Variants in NEDD4L observed in about 807,000 individuals in gnomAD.
The protein encoded by NEDD4L is NEDD4 like E3 ubiquitin protein ligase.
In NEDD4L, 54 loss-of-function variants were observed where a neutral mutation model predicts 148.9. That is an observed-to-expected ratio of 0.36 (90% CI 0.29 to 0.45). The LOEUF is 0.45. Among genes scored for constraint, NEDD4L ranks in the 20% least tolerant of loss-of-function variants. The pLI is 1.00. For missense variants in NEDD4L, 856 were observed against 1,233.8 expected (o/e 0.69, Z 4.59); for synonymous variants, 433 against 440.7 (o/e 0.98, Z 0.22).
chr18:58,230,000 A>C (rs1199933283), intron 2 of NEDD4L, among the ~76,000 whole-genome samples: 1 of 152,142 alleles, frequency 6.6e-6, no homozygotes, highest in Non-Finnish European at 1.5e-5. Flanking sequence ...AAAAAACAAA[A>C]CAAACAAACA....
At chr18:58,391,425 C>T in intron 29 of NEDD4L, 62 bp from the exon 30 acceptor site, 1 of 1,362,690 alleles carries the variant, frequency 7.3e-7, no homozygotes, top group Non-Finnish European at 1.0e-6. Context: ...CTGCAGACCA[C>T]ACCATAGCTT....
chr18:58,054,057 G>A (rs1046522685), intron 1 of NEDD4L, among the ~76,000 whole-genome samples: 13 of 152,192 alleles, frequency 8.5e-5, no homozygotes, highest in Admixed American at 2.0e-4. Context: ...GAAGATGTTC[G>A]TGTTGAATGG....
chr18:58,373,104 T>C (rs1450818187), intron 23 of NEDD4L, 70 bp from the exon 24 acceptor site: 2 of 804,042 alleles, frequency 2.5e-6, no homozygotes, highest in African/African-American at 3.4e-5. Context: ...TAGAATGTAA[T>C]TAAAGAAGTC....
At chr18:58,095,232 T>C (rs540075433) in intron 1 of NEDD4L, among the ~76,000 whole-genome samples, 6 of 152,362 alleles carry the variant, frequency 3.9e-5, no homozygotes, top group African/African-American at 1.4e-4. Flanking sequence ...CTACACACTG[T>C]GCTTGGCACC....
intron 8 of NEDD4L, among the ~76,000 whole-genome samples, chr18:58,324,431 T>C (rs949950983): frequency 6.6e-6 from 1 of 152,142 alleles, no homozygotes; most frequent in African/African-American, 2.4e-5. Flanking sequence ...GCTCCTGCGG[T>C]TGTTTGGGAT....
At chr18:58,274,708 A>G (rs2051607579) in intron 5 of NEDD4L, among the ~76,000 whole-genome samples, 1 of 152,258 alleles carries the variant, frequency 6.6e-6, no homozygotes, top group Non-Finnish European at 1.5e-5. Flanking sequence ...TAATAGGCAG[A>G]TGATGAAGGA....
intron 8 of NEDD4L, 56 bp from the exon 9 acceptor site, chr18:58,324,940 C>T (rs1601259089): frequency 6.6e-7 from 1 of 1,524,872 alleles, no homozygotes; most frequent in African/African-American, 1.4e-5. Context: ...GTGATGACCT[C>T]TTACTCACAG....
At chr18:58,217,941 G>A (rs1176315433) in intron 2 of NEDD4L, among the ~76,000 whole-genome samples, 2 of 152,124 alleles carry the variant, frequency 1.3e-5, no homozygotes, top group African/African-American at 2.4e-5. Flanking sequence ...CTTTTCGAAG[G>A]CTGCAGAGTA....
At chr18:58,340,772 A>C (rs1186303621) in intron 13 of NEDD4L, among the ~76,000 whole-genome samples, 2 of 152,208 alleles carry the variant, frequency 1.3e-5, no homozygotes, top group Non-Finnish European at 2.9e-5. Flanking sequence ...CCTTGGCAGC[A>C]ACCCTTTACG....
At chr18:58,234,203 GCCTC>G (rs200096712) in intron 2 of NEDD4L, among the ~76,000 whole-genome samples, 3 of 101,596 alleles carry the variant, frequency 3.0e-5, no homozygotes, top group East Asian at 2.8e-4. Context: ...CCCCCTTCCT[GCCTC>G]CCTCCCTCCC....
chr18:58,394,959 T>C (rs1174257680), intron 30 of NEDD4L, among the ~76,000 whole-genome samples: 1 of 152,242 alleles, frequency 6.6e-6, no homozygotes, highest in Non-Finnish European at 1.5e-5. Context: ...ACAAGTGCAC[T>C]TCAAGAGCTG....
intron 1 of NEDD4L, among the ~76,000 whole-genome samples, chr18:58,153,928 T>A (rs1190666125): frequency 6.6e-6 from 1 of 152,202 alleles, no homozygotes; most frequent in Non-Finnish European, 1.5e-5. Context: ...ATTACAGGCG[T>A]GAGTCACCGC....
At chr18:58,153,032 T>C (rs1156904962) in intron 1 of NEDD4L, among the ~76,000 whole-genome samples, 1 of 152,150 alleles carries the variant, frequency 6.6e-6, no homozygotes, top group Non-Finnish European at 1.5e-5. Flanking sequence ...AGAGTCTAAA[T>C]GAGTGGTTCT....
chr18:58,300,857 G>T (rs1181913402), intron 5 of NEDD4L, among the ~76,000 whole-genome samples: 1 of 152,188 alleles, frequency 6.6e-6, no homozygotes, highest in African/African-American at 2.4e-5. Context: ...GGAAGTATGT[G>T]CATATTGCTT....
intron 2 of NEDD4L, among the ~76,000 whole-genome samples, chr18:58,184,141 G>A (rs1297843677): frequency 6.6e-6 from 1 of 152,210 alleles, no homozygotes; most frequent in African/African-American, 2.4e-5. Flanking sequence ...ATTACTTAAA[G>A]GAAGTGGGCT....
At chr18:58,096,493 T>C (rs1173414314) in intron 1 of NEDD4L, among the ~76,000 whole-genome samples, 1 of 152,010 alleles carries the variant, frequency 6.6e-6, no homozygotes, top group Non-Finnish European at 1.5e-5. Context: ...AACCTGCACC[T>C]CCCAGATTCA....
intron 2 of NEDD4L, among the ~76,000 whole-genome samples, chr18:58,181,420 A>G (rs2038848078): frequency 1.3e-5 from 2 of 152,206 alleles, no homozygotes; most frequent in East Asian, 1.9e-4. Context: ...TTCTTTAAGA[A>G]AGGAATTTGT....
intron 24 of NEDD4L, among the ~76,000 whole-genome samples, chr18:58,381,223 G>T (rs1001076898): frequency 6.6e-6 from 1 of 152,150 alleles, no homozygotes; most frequent in Non-Finnish European, 1.5e-5. Context: ...TTCAGAAAAA[G>T]ATTGAACCAA....
At chr18:58,168,890 T>C (rs1043985036) in intron 2 of NEDD4L, among the ~76,000 whole-genome samples, 1 of 152,156 alleles carries the variant, frequency 6.6e-6, no homozygotes. Flanking sequence ...CTGGGCCACT[T>C]GGCCTGAGGT....
Sources: allele counts gnomAD v4.1 joint callset (sites outside exome capture counted in the v4.1 genomes callset), GRCh38; gene constraint gnomAD v4.1.1; transcripts MANE v1.5; gene names NCBI Gene and HGNC (gene_info 2026-07-23, HGNC 2026-07-21).